CRB1: variants seen among roughly 807,000 people sequenced by gnomAD.
The protein encoded by CRB1 is protein crumbs homolog 1.
CRB1 carries 83 observed loss-of-function variants against 120.0 expected under a neutral mutation model. The ratio of observed to expected loss-of-function variants is 0.69; its 90% CI spans 0.58 to 0.83. The LOEUF is 0.83. Among genes scored for constraint, CRB1 ranks in the 40% least tolerant of loss-of-function variants. The pLI is 0.00. For synonymous variants in CRB1, 625 were observed against 612.5 expected (o/e 1.02, Z -0.30); for missense variants, 1,699 against 1,687.6 (o/e 1.01, Z -0.12).
At chr1:197,273,381 A>C (rs1207439744) in intron 1 of CRB1, among the ~76,000 whole-genome samples, 1 of 152,036 alleles carries the variant, frequency 6.6e-6, no homozygotes, top group African/African-American at 2.4e-5. Flanking sequence ...TATTGACCTT[A>C]CTCACCTGGG....
chr1:197,217,233 G>A, the CRB1 span, among the ~76,000 whole-genome samples: 2 of 151,974 alleles, frequency 1.3e-5, no homozygotes, highest in Non-Finnish European at 2.9e-5. Flanking sequence ...AATTGTTGTT[G>A]GTGAGAATAT....
At chr1:197,302,021 T>A (rs367607237) in intron 1 of CRB1, among the ~76,000 whole-genome samples, 5 of 152,326 alleles carry the variant, frequency 3.3e-5, no homozygotes, top group African/African-American at 1.2e-4. Context: ...TTGACTCCAA[T>A]TTTGAAAGAA....
At chr1:197,342,544 T>C (rs1659529841) in intron 2 of CRB1, among the ~76,000 whole-genome samples, 1 of 152,238 alleles carries the variant, frequency 6.6e-6, no homozygotes, top group Non-Finnish European at 1.5e-5. Context: ...TTTGTGGCTT[T>C]TTCTACATTA....
At chr1:197,440,818 T>C (rs748604325) in intron 10 of CRB1, 2 of 152,366 alleles carry the variant, frequency 1.3e-5, no homozygotes, top group South Asian at 2.1e-4. Flanking sequence ...TTTTGAATGA[T>C]GGATGGTGTG....
At chr1:197,457,174 C>T (rs191546102) in intron 11 of CRB1, among the ~76,000 whole-genome samples, 1 of 152,062 alleles carries the variant, frequency 6.6e-6, no homozygotes, top group Non-Finnish European at 1.5e-5. Context: ...TTTGGAGTGT[C>T]TTGTTGCCAT....
chr1:197,236,758 C>T, the CRB1 span, among the ~76,000 whole-genome samples: 16 of 152,054 alleles, frequency 1.1e-4, no homozygotes, highest in Admixed American at 7.9e-4. Context: ...AAGGGTTTTT[C>T]TGCATTTAAC....
chr1:197,340,461 C>T (rs1361386501), intron 2 of CRB1, among the ~76,000 whole-genome samples: 3 of 149,086 alleles, frequency 2.0e-5, no homozygotes, highest in Non-Finnish European at 3.0e-5. Context: ...TTTAAGCAGA[C>T]GAGGGTACAA....
chr1:197,475,668 T>G (rs1205537519), intron 11 of CRB1, among the ~76,000 whole-genome samples: 1 of 152,216 alleles, frequency 6.6e-6, no homozygotes, highest in Non-Finnish European at 1.5e-5. Context: ...CTGAGTTTAG[T>G]GTGGCATTCA....
chr1:197,204,038 A>G, the CRB1 span, among the ~76,000 whole-genome samples: 1 of 152,174 alleles, frequency 6.6e-6, no homozygotes. Flanking sequence ...GAGTGAGAAC[A>G]TATGATATTT....
At chr1:197,358,658 C>T (rs181997854) in intron 5 of CRB1, among the ~76,000 whole-genome samples, 3 of 152,298 alleles carry the variant, frequency 2.0e-5, no homozygotes, top group East Asian at 1.9e-4. Context: ...GTTTTTCCCC[C>T]GCTTCAAAAT....
chr1:197,347,745 T>G (rs1229332848), intron 4 of CRB1, among the ~76,000 whole-genome samples: 2 of 152,224 alleles, frequency 1.3e-5, no homozygotes, highest in Non-Finnish European at 2.9e-5. Context: ...AAATTCAGCA[T>G]GATCTTCATG....
intron 1 of CRB1, 51 bp downstream of exon 1, chr1:197,268,533 A>C: frequency 3.1e-6 from 4 of 1,289,008 alleles, no homozygotes; most frequent in Non-Finnish European, 4.5e-6. Context: ...CTGGCTTATT[A>C]TATTTCTTAC....
chr1:197,319,108 G>A (rs1658023446), intron 1 of CRB1, among the ~76,000 whole-genome samples: 1 of 151,142 alleles, frequency 6.6e-6, no homozygotes, highest in Non-Finnish European at 1.5e-5. Flanking sequence ...CACTAAAAAA[G>A]ACAATATTAA....
intron 1 of CRB1, among the ~76,000 whole-genome samples, chr1:197,269,989 T>A (rs904322606): frequency 6.6e-6 from 1 of 152,230 alleles, no homozygotes; most frequent in Admixed American, 6.5e-5. Flanking sequence ...TTTAAGCAGG[T>A]AGACTTTTGT....
intron 6 of CRB1, among the ~76,000 whole-genome samples, chr1:197,422,475 C>A (rs1664386171): frequency 6.9e-6 from 1 of 144,556 alleles, no homozygotes; most frequent in South Asian, 2.2e-4. Context: ...TATAAAACGC[C>A]AATTTTATTC....
intron 8 of CRB1, among the ~76,000 whole-genome samples, chr1:197,429,856 G>A (rs920558220): frequency 5.9e-5 from 9 of 152,140 alleles, no homozygotes; most frequent in African/African-American, 2.2e-4. Context: ...ATTTAAAACT[G>A]ATTTCCTGAA....
chr1:197,394,300 ATTAC>A (rs1361132957), intron 5 of CRB1, among the ~76,000 whole-genome samples: 2 of 152,100 alleles, frequency 1.3e-5, no homozygotes, highest in African/African-American at 4.8e-5. Flanking sequence ...TTTCCTCTGA[ATTAC>A]TTTATTTTGA....
the CRB1 span, among the ~76,000 whole-genome samples, chr1:197,254,436 T>C: frequency 6.6e-6 from 1 of 152,136 alleles, no homozygotes; most frequent in Non-Finnish European, 1.5e-5. Context: ...CTCAGAATTG[T>C]TCATATTCTT....
chr1:197,287,658 G>A (rs1655908640), intron 1 of CRB1, among the ~76,000 whole-genome samples: 1 of 151,752 alleles, frequency 6.6e-6, no homozygotes, highest in Non-Finnish European at 1.5e-5. Flanking sequence ...TTCCTCATGT[G>A]CAGTTTATCC....
Sources: allele counts gnomAD v4.1 joint callset (sites outside exome capture counted in the v4.1 genomes callset), GRCh38; gene constraint gnomAD v4.1.1; transcripts MANE v1.5; gene names NCBI Gene and HGNC (gene_info 2026-07-23, HGNC 2026-07-21).